The following GALNT17 variants were observed in gnomAD, a reference collection of about 807,000 sequenced individuals.
GALNT17 encodes the protein UDP-GalNAc:polypeptide N-acetylgalactosaminyltransferase-like 3.
Under a neutral mutation model 63.7 loss-of-function variants are expected in GALNT17, and 29 were observed. The observed-to-expected ratio is 0.46, with a 90% CI of 0.34 to 0.62. The LOEUF (loss-of-function observed/expected upper bound fraction) is 0.62. Among genes scored for constraint, GALNT17 ranks in the 20% least tolerant of loss-of-function variants. The pLI is 0.01. For missense variants in GALNT17, 603 were observed against 799.6 expected (o/e 0.75, Z 2.97); for synonymous variants, 305 against 318.3 (o/e 0.96, Z 0.45).
chr7:71,313,008 C>T (rs1791437025), intron 1 of GALNT17, among the ~76,000 whole-genome samples: 1 of 152,072 alleles, frequency 6.6e-6, no homozygotes, highest in Admixed American at 6.6e-5. Context: ...ACTTGGAAGG[C>T]TGAGGCAGGA....
At chr7:71,427,308 G>T (rs1303207849) in intron 5 of GALNT17, among the ~76,000 whole-genome samples, 1 of 151,648 alleles carries the variant, frequency 6.6e-6, no homozygotes, top group Middle Eastern at 3.2e-3. Flanking sequence ...GTGTTAACCA[G>T]GTTGGTCTCA....
intron 1 of GALNT17, among the ~76,000 whole-genome samples, chr7:71,288,181 A>T (rs1297717066): frequency 7.3e-6 from 1 of 137,008 alleles, no homozygotes; most frequent in African/African-American, 2.8e-5. Flanking sequence ...GCACCACTGC[A>T]CTCTAGCCTG....
chr7:71,614,318 A>G (rs1039338525), intron 6 of GALNT17, among the ~76,000 whole-genome samples: 1 of 151,938 alleles, frequency 6.6e-6, no homozygotes, highest in Non-Finnish European at 1.5e-5. Context: ...GCTCTTTGGA[A>G]CATTTTGGAT....
chr7:71,323,893 A>C (rs1018064340), intron 1 of GALNT17, among the ~76,000 whole-genome samples: 1 of 152,238 alleles, frequency 6.6e-6, no homozygotes, highest in Non-Finnish European at 1.5e-5. Context: ...GCAAGTGAGC[A>C]GTCAAGGGCA....
At chr7:71,461,325 G>T (rs981449959) in intron 5 of GALNT17, among the ~76,000 whole-genome samples, 2 of 152,232 alleles carry the variant, frequency 1.3e-5, no homozygotes, top group African/African-American at 4.8e-5. Flanking sequence ...TGAAGGAAAA[G>T]TCGGAAGGAG....
rs140408569 is a variant in GALNT17 at position 71,443,449 on chromosome 7, A to G, written c.962+22344A>G. Among the ~76,000 whole-genome samples the G allele has an allele frequency of 2.3e-3, 351 of 152,324 alleles. 2 individuals carry two copies. Among genetic ancestry groups the G allele is most frequent in the African/African-American group, 8.2e-3 (339 of 41,578 alleles). On this transcript the variant is annotated intron_variant, in intron 5 of 10. Transcript: ENST00000333538. ...GGTCATGGGGACAGACCCCTCATGA[A>G]TGGCTTGGTGCCCTCCTCCTGGTAA...
At chr7:71,267,063 A>G (rs1328054610) in intron 1 of GALNT17, among the ~76,000 whole-genome samples, 1 of 152,208 alleles carries the variant, frequency 6.6e-6, no homozygotes, top group Non-Finnish European at 1.5e-5. Context: ...CTTCCCTGAC[A>G]TGCAAAAGCC....
At chr7:71,481,859 G>A (rs574654107) in intron 5 of GALNT17, among the ~76,000 whole-genome samples, 1 of 152,138 alleles carries the variant, frequency 6.6e-6, no homozygotes, top group East Asian at 1.9e-4. Context: ...GTGGGTTTCA[G>A]CTTGTTCTTG....
chr7:71,610,849 G>A (rs1038373281), intron 6 of GALNT17, among the ~76,000 whole-genome samples: 1 of 151,940 alleles, frequency 6.6e-6, no homozygotes, highest in African/African-American at 2.4e-5. Context: ...AGCCAGGCAT[G>A]GTGGCATGTA....
intron 1 of GALNT17, among the ~76,000 whole-genome samples, chr7:71,142,706 C>T (rs1787938479): frequency 6.6e-6 from 1 of 151,984 alleles, no homozygotes; most frequent in South Asian, 2.1e-4. Context: ...TTTGGGAGGC[C>T]TAAGCGGGTG....
chr7:71,278,101 GTAA>G (rs1291367570), intron 1 of GALNT17, among the ~76,000 whole-genome samples: 1 of 152,150 alleles, frequency 6.6e-6, no homozygotes. Context: ...GCAGCAAAAA[GTAA>G]TAATAATGAT....
intron 1 of GALNT17, among the ~76,000 whole-genome samples, chr7:71,291,207 A>G (rs1017012030): frequency 6.6e-6 from 1 of 151,886 alleles, no homozygotes; most frequent in Non-Finnish European, 1.5e-5. Context: ...ACGAAATAGC[A>G]GAGTCGTTAA....
At chr7:71,166,203 CAGCTAAATACTGCGTGTGCTTG>C (rs767778106) in intron 1 of GALNT17, among the ~76,000 whole-genome samples, 2 of 152,204 alleles carry the variant, frequency 1.3e-5, no homozygotes, top group African/African-American at 2.4e-5. Flanking sequence ...GTTCTCTGTT[CAGCTAAATACTGCGTGTGCTTG>C]GGCAAGTAGT....
At chr7:71,576,529 T>TTG (rs3048366) in intron 6 of GALNT17, among the ~76,000 whole-genome samples, 11,983 of 142,626 alleles carry the variant, frequency 0.084, 531 homozygotes, top group African/African-American at 0.12. Context: ...TTTTTTAACT[T>TTG]TGTGTGTGTG....
chr7:71,295,044 T>G (rs1791052755), intron 1 of GALNT17, among the ~76,000 whole-genome samples: 1 of 152,210 alleles, frequency 6.6e-6, no homozygotes, highest in Non-Finnish European at 1.5e-5. Context: ...TATTTCCACC[T>G]GTACACCCTT....
chr7:71,331,547 A>C (rs748492014), intron 1 of GALNT17, among the ~76,000 whole-genome samples: 1 of 152,024 alleles, frequency 6.6e-6, no homozygotes, highest in African/African-American at 2.4e-5. Context: ...CATCTATACA[A>C]AATTGTTTTA....
At chr7:71,320,717 ATGG>A (rs908345768) in intron 1 of GALNT17, among the ~76,000 whole-genome samples, 3 of 152,172 alleles carry the variant, frequency 2.0e-5, no homozygotes, top group Admixed American at 6.5e-5. Context: ...ATTAGAGATG[ATGG>A]TGGTGGTGGT....
At chr7:71,521,474 T>G (rs554122889) in intron 5 of GALNT17, among the ~76,000 whole-genome samples, 1 of 152,354 alleles carries the variant, frequency 6.6e-6, no homozygotes, top group Non-Finnish European at 1.5e-5. Flanking sequence ...CGTCTTTGTA[T>G]TAACTATTGC....
At chr7:71,638,266 A>G (rs1790556040) in intron 6 of GALNT17, among the ~76,000 whole-genome samples, 1 of 152,146 alleles carries the variant, frequency 6.6e-6, no homozygotes, top group South Asian at 2.1e-4. Context: ...TCTTTACCGC[A>G]ACTGTTTTAT....
Sources: allele counts gnomAD v4.1 joint callset (sites outside exome capture counted in the v4.1 genomes callset), GRCh38; gene constraint gnomAD v4.1.1; transcripts MANE v1.5; gene names NCBI Gene and HGNC (gene_info 2026-07-23, HGNC 2026-07-21).